Variants in KLK6 observed in about 807,000 individuals in gnomAD.
KLK6 encodes the protein kallikrein related peptidase 6, also known as kallikrein-6.
Under a neutral mutation model 21.7 loss-of-function variants are expected in KLK6, and 16 were observed. The ratio of observed to expected loss-of-function variants is 0.74; its 90% CI spans 0.50 to 1.12. The LOEUF (loss-of-function observed/expected upper bound fraction) is 1.12. Ranked by LOEUF, KLK6 falls within the 50% of genes most tolerant of loss-of-function variation. The pLI is 0.00. For missense variants in KLK6, 276 were observed against 304.6 expected (o/e 0.91, Z 0.70); for synonymous variants, 116 against 120.1 (o/e 0.97, Z 0.22).
chr19:50,966,141 A>C (rs139129139), intron 4 of KLK6, among the ~76,000 whole-genome samples: 4 of 152,216 alleles, frequency 2.6e-5, no homozygotes, highest in African/African-American at 9.6e-5. Context: ...TCTCCCCGGC[A>C]TCTCCAACTC....
rs2090759321 is a variant in KLK6 at position 50,958,927 on chromosome 19, T to G, written c.*237A>C. Reference sequence around the variant, plus strand: ...GCCTAGAAGGGATTTTCCTGTATTCTCTTAGTGGTGGGGGTAAGACCGAGG... The same window carrying G: ...GCCTAGAAGGGATTTTCCTGTATTCGCTTAGTGGTGGGGGTAAGACCGAGG... On this transcript the variant is annotated 3_prime_UTR_variant, in exon 7 of 7. Transcript: ENST00000310157. The G allele has an allele frequency of 1.8e-6, 1 of 546,422 alleles. No individual in the cohort carries two copies. Among genetic ancestry groups the G allele is most frequent in the African/African-American group, 1.9e-5 (1 of 52,784 alleles). 33.8% of individuals were successfully genotyped at this position (546,422 alleles called of 1,614,324 possible).
intron 5 of KLK6, chr19:50,962,133 C>T (rs532910069): frequency 1.9e-4 from 79 of 418,422 alleles, no homozygotes; most frequent in Non-Finnish European, 1.8e-4. Context: ...CAGGAGTCCT[C>T]ATTTCCTATT....
intron 6 of KLK6, among the ~76,000 whole-genome samples, chr19:50,959,760 A>AGGAGGAGGAGGAG (rs2090784113): frequency 1.1e-4 from 1 of 8,896 alleles, no homozygotes; most frequent in Non-Finnish European, 1.7e-4. Flanking sequence ...AGGAGGAGGA[A>AGGAGGAGGAGGAG]GAGGAGAAGG....
intron 2 of KLK6, 51 bp from the exon 3 acceptor site, chr19:50,968,163 C>G (rs1421761238): frequency 6.5e-7 from 1 of 1,529,674 alleles, no homozygotes; most frequent in African/African-American, 1.4e-5. Context: ...ACCCTCCCCC[C>G]ATCCCTCTGT....
intron 4 of KLK6, among the ~76,000 whole-genome samples, chr19:50,964,187 C>G (rs1264855680): frequency 6.6e-6 from 1 of 152,186 alleles, no homozygotes; most frequent in Non-Finnish European, 1.5e-5. Flanking sequence ...CACTGCTGTT[C>G]CCTCTGCCAG....
In KLK6 at chr19:50,967,293, C is replaced by T. The variant is rs747057472; in HGVS notation, c.73G>A (p.Gly25Ser). The change falls in exon 4 of 7, where the codon GGC becomes AGC. Residue 25 changes from glycine to serine, a missense_variant. Transcript: ENST00000310157. The stretch of plus-strand genomic sequence containing the variant: ...TGAGATGTCTTGTCGCAGGGTCCGC[C>T]ATGCACCAACTTATTCTGCTCCTCT... Reference protein sequence around the residue: ...WAEEQNKLVHGGPCDKTSHPY... With the variant: ...WAEEQNKLVHSGPCDKTSHPY... 1.2e-6 allele frequency: 2 copies of T among 1,613,116 alleles called. No individual in the cohort carries two copies. The highest frequency in any genetic ancestry group is 1.7e-6 in the Non-Finnish European group (2 of 1,179,438).
At chr19:50,963,021 C>T (rs1182013866) in intron 5 of KLK6, among the ~76,000 whole-genome samples, 1 of 152,162 alleles carries the variant, frequency 6.6e-6, no homozygotes. Context: ...AGCATCTCCC[C>T]ACTGACCTTC....
At chr19:50,962,256 A>C in intron 5 of KLK6, 1 of 204,018 alleles carries the variant, frequency 4.9e-6, no homozygotes, top group Non-Finnish European at 9.8e-6. Flanking sequence ...GCCCTCCTCT[A>C]CTGTACCCCT....
chr19:50,964,996 T>C (rs2090902496), intron 4 of KLK6, among the ~76,000 whole-genome samples: 1 of 152,232 alleles, frequency 6.6e-6, no homozygotes, highest in Non-Finnish European at 1.5e-5. Flanking sequence ...TTTTATCTCA[T>C]TAGAAAGTCC....
Position 50,968,126 on chromosome 19 carries a change from C to G in KLK6, c.-8-14G>C. 2 of 1,613,106 alleles carry G rather than the reference C, an allele frequency of 1.2e-6. No homozygotes were observed. The highest frequency in any genetic ancestry group is 1.7e-6 in the Non-Finnish European group (2 of 1,179,122). The stretch of plus-strand genomic sequence containing the variant: ...TCATGGCCGCTCCTGAGAGGGGAAG[C>G]CACATGGTCCATTAGTCACTGCCTC... On this transcript the variant is annotated splice_polypyrimidine_tract_variant and intron_variant, in intron 2 of 6. Coordinates refer to ENST00000310157, the MANE Select transcript of KLK6 (RefSeq NM_002774.4).
Position 50,959,235 on chromosome 19 carries a change from C to T in KLK6, c.664G>A (p.Glu222Lys). ...ACGTTGGTGTAGACTCCTGGCTTCT[C>T]CTTTGATCCACAGGGGATGTTACCC... ...SWGNIPCGSK[E>K]KPGVYTNVCR... The change falls in exon 7 of 7, where the codon GAG (glutamate) becomes AAG (lysine). Residue 222 changes from glutamate (E) to lysine (K), a missense_variant. Coordinates refer to ENST00000310157, the MANE Select transcript of KLK6 (RefSeq NM_002774.4). 6.2e-7 allele frequency: 1 copy of T among 1,614,018 alleles called. No individual in the cohort carries two copies. The highest frequency in any genetic ancestry group is 8.5e-7 in the Non-Finnish European group (1 of 1,180,016).
intron 3 of KLK6, 126 bp from the exon 4 acceptor site, chr19:50,967,451 G>A: frequency 1.1e-6 from 1 of 916,082 alleles, no homozygotes; most frequent in Non-Finnish European, 1.6e-6. Context: ...GCTGAGGCAG[G>A]AGGATCGCTT....
intron 6 of KLK6, among the ~76,000 whole-genome samples, chr19:50,960,561 C>A (rs554216495): frequency 6.6e-6 from 1 of 152,178 alleles, no homozygotes; most frequent in Non-Finnish European, 1.5e-5. Flanking sequence ...GAAGGACAGT[C>A]CCCTCACACC....
intron 2 of KLK6, 104 bp downstream of exon 2, chr19:50,968,437 T>G: frequency 2.5e-6 from 1 of 401,752 alleles, no homozygotes. Context: ...TAGGGGGCCC[T>G]AGCGTTCTTC....
chr19:50,961,945 C>T, intron 5 of KLK6, 65 bp from the exon 6 acceptor site: 1 of 1,474,884 alleles, frequency 6.8e-7, no homozygotes, highest in African/African-American at 2.0e-5. Context: ...TCCCCAGTCA[C>T]CCCCCAACCC....
rs11881385 is a variant in KLK6 at position 50,960,717 on chromosome 19, C to T, written c.582+1027G>A. On this transcript the variant is annotated intron_variant, in intron 6 of 6. Coordinates refer to ENST00000310157, the MANE Select transcript of KLK6 (RefSeq NM_002774.4). Reference sequence around the variant, plus strand: ...AAGCAATTCTCCAGCCTCAGCCTCCCGAGTAGCTGGGACTACAGGTGTGTC... The same window carrying T: ...AAGCAATTCTCCAGCCTCAGCCTCCTGAGTAGCTGGGACTACAGGTGTGTC... Among the ~76,000 whole-genome samples the T allele has an allele frequency of 2.3e-3, 350 of 152,156 alleles. 5 individuals are homozygous for T. Among genetic ancestry groups the T allele is most frequent in the African/African-American group, 8.0e-3 (333 of 41,498 alleles).
intron 6 of KLK6, among the ~76,000 whole-genome samples, chr19:50,959,996 AGAG>A (rs1243535808): frequency 4.5e-4 from 39 of 86,112 alleles, no homozygotes; most frequent in African/African-American, 1.8e-3. Flanking sequence ...AGGAGGAGGA[AGAG>A]GAGAAGGAAG....
chr19:50,960,084 GGGGGAGGAGGAT>G (rs1160186508), intron 6 of KLK6, among the ~76,000 whole-genome samples: 2 of 72,402 alleles, frequency 2.8e-5, no homozygotes, highest in African/African-American at 1.3e-4. Context: ...GGGAGGAGGA[GGGGGAGGAGGAT>G]GGGGAGGGGG....
At chr19:50,963,590 G>A (rs2090880755) in intron 4 of KLK6, 41 bp from the exon 5 acceptor site, 4 of 1,605,950 alleles carry the variant, frequency 2.5e-6, no homozygotes, top group Non-Finnish European at 3.4e-6. Flanking sequence ...GAGCCCTTGG[G>A]CTGCAGTTGA....
Sources: gnomAD v4.1 joint callset for allele counts (sites outside exome capture counted in the v4.1 genomes callset) on GRCh38, gnomAD v4.1.1 for gene constraint, MANE v1.5 for transcripts, NCBI Gene and HGNC (gene_info 2026-07-23, HGNC 2026-07-21) for gene names.